The following GGT7 variants were observed in gnomAD, a reference collection of about 807,000 sequenced individuals.
GGT7 encodes the protein glutathione hydrolase 7.
Under a neutral mutation model 69.2 loss-of-function variants are expected in GGT7, and 30 were observed. The ratio of observed to expected loss-of-function variants is 0.43; its 90% CI spans 0.32 to 0.59. The LOEUF (loss-of-function observed/expected upper bound fraction) is 0.59, where lower values mean the gene tolerates loss of function less well. Ranked by LOEUF, GGT7 falls within the 20% of genes least tolerant of loss-of-function variation. The probability of loss-of-function intolerance (pLI) is 0.05; values close to 1 mark genes in which losing one functional copy is unlikely to be tolerated. For synonymous variants in GGT7, 388 were observed against 391.8 expected, an observed-to-expected ratio of 0.99 and a Z score of 0.12; for missense variants, 733 against 901.1, an observed-to-expected ratio of 0.81 and a Z score of 2.39.
At chr20:34,870,609 C>A (rs1388805551) in intron 1 of GGT7, among the ~76,000 whole-genome samples, 2 of 151,388 alleles carry the variant, frequency 1.3e-5, no homozygotes, top group African/African-American at 4.9e-5. Flanking sequence ...GGGTTACAGA[C>A]ACCTGCCACC....
chr20:34,861,523 C>T lies in GGT7; in HGVS notation c.597G>A (p.Glu199=), dbSNP rs200318179. Residue 199 remains glutamate, a synonymous_variant, in exon 4 of 15, where the codon GAG becomes GAA. Transcript: ENST00000336431. The stretch of plus-strand genomic sequence containing the variant: ...ACTCCCGGAAATCAATTAGGTGGCT[C>T]TCATTTCGTCGGATGTCATGTACCA... ...VMLVHDIRRN[E]SHLIDFRESA... 5.2e-6 allele frequency: 8 copies of T among 1,532,978 alleles called. No individual in the cohort carries two copies. In the South Asian group the frequency reaches 7.3e-5, roughly 14 times the overall value. The allele number at this position is 1,532,978 out of a possible 1,614,324, so 95.0% of individuals were successfully genotyped here.
At chr20:34,862,548 T>A (rs1297122874) in intron 3 of GGT7, among the ~76,000 whole-genome samples, 1 of 150,900 alleles carries the variant, frequency 6.6e-6, no homozygotes, top group East Asian at 1.9e-4. Flanking sequence ...CACCTGTGCA[T>A]CTTAATTTAT....
chr20:34,866,398 A>C (rs1239699674), intron 1 of GGT7, among the ~76,000 whole-genome samples: 2 of 152,180 alleles, frequency 1.3e-5, no homozygotes, highest in African/African-American at 4.8e-5. Flanking sequence ...GTATGATTGC[A>C]ATATGAATAG....
intron 7 of GGT7, among the ~76,000 whole-genome samples, chr20:34,857,611 ATTGATTTTT>A (rs2079515503): frequency 7.3e-6 from 1 of 137,622 alleles, no homozygotes; most frequent in Admixed American, 7.5e-5. Context: ...AGAATTACAC[ATTGATTTTT>A]TTTTTTTTTT....
At position 34,846,498 on chromosome 20, in the gene GGT7, G is replaced by C. The variant is rs143727424; in HGVS notation, c.1826-1007C>G. ...TTCTATTTTTTTTTTTTGTAGAGGT[G>C]GGGGTTTATCCATGTTGGTCAGGCT... is the stretch of plus-strand genomic sequence containing the variant. On this transcript the variant is annotated intron_variant, in intron 14 of 14. Transcript: ENST00000336431. 9.0e-3 allele frequency among the ~76,000 whole-genome samples: 1,354 copies of C among 151,230 alleles called. 27 individuals carry two copies. Among genetic ancestry groups the C allele is most frequent in the African/African-American group, 0.031 (1,284 of 41,170 alleles).
chr20:34,860,400 C>G (rs1327753574), intron 4 of GGT7, 79 bp from the exon 5 acceptor site: 2 of 1,100,152 alleles, frequency 1.8e-6, no homozygotes, highest in Non-Finnish European at 2.8e-6. Context: ...CCGCAGAGCC[C>G]CAAGCCAGGG....
At chr20:34,862,058 G>A (rs2079605718) in intron 3 of GGT7, among the ~76,000 whole-genome samples, 1 of 152,182 alleles carries the variant, frequency 6.6e-6, no homozygotes, top group South Asian at 2.1e-4. Context: ...TTCCTTTTCT[G>A]TAGCTTATTT....
chr20:34,867,956 G>A (rs1442830261), intron 1 of GGT7, among the ~76,000 whole-genome samples: 1 of 152,150 alleles, frequency 6.6e-6, no homozygotes, highest in Admixed American at 6.5e-5. Context: ...CTCCGCCTTT[G>A]GGTTCAAGCA....
intron 14 of GGT7, 95 bp downstream of exon 14, chr20:34,849,866 C>G: frequency 1.5e-6 from 1 of 658,444 alleles, no homozygotes; most frequent in Non-Finnish European, 2.6e-6. Context: ...ACTTCACTGG[C>G]AGTTGGTGCT....
chr20:34,850,184 G>A (rs533526227), intron 13 of GGT7, 124 bp from the exon 14 acceptor site: 4 of 790,032 alleles, frequency 5.1e-6, no homozygotes, highest in Non-Finnish European at 9.2e-6. Flanking sequence ...TGTCATCTGA[G>A]CCTCCTAACA....
At chr20:34,856,775 G>A (rs1458450466) in intron 8 of GGT7, 31 bp downstream of exon 8, 1 of 1,327,544 alleles carries the variant, frequency 7.5e-7, no homozygotes, top group Non-Finnish European at 1.1e-6. Context: ...TTCTCCTGAG[G>A]GGGGACCCTG....
chr20:34,850,995 G>A (rs2079380408), intron 13 of GGT7: 3 of 673,080 alleles, frequency 4.5e-6, no homozygotes, highest in Admixed American at 4.4e-5. Context: ...TCAATCTACT[G>A]ACCCTGCCAT....
rs1378153755 is a variant in GGT7 at position 34,863,394 on chromosome 20, C to G, written c.324G>C (p.Thr108=). The G allele has an allele frequency of 6.2e-7, 1 of 1,614,052 alleles. No homozygotes were observed. The highest frequency in any genetic ancestry group is 1.7e-5 in the Admixed American group (1 of 60,034). The change falls in exon 2 of 15, where the codon ACG becomes ACC. Residue 108 remains threonine (T), a synonymous_variant. Transcript: ENST00000336431. The surrounding 1 kb of genome is among the most constrained non-coding windows in gnomAD (Gnocchi z 4.4). ...AECSCRQDGL[T]VIVTACLTFA... is the part of the protein sequence containing the mutation. Reference sequence around the variant, plus strand: ...AGGTGAGACAGGCCGTGACGATGACCGTGAGCCCATCCTGGCGGCAGGAGC... The same window carrying G: ...AGGTGAGACAGGCCGTGACGATGACGGTGAGCCCATCCTGGCGGCAGGAGC...
At position 34,847,656 on chromosome 20, in the gene GGT7, C is replaced by G. The variant is rs551370246; in HGVS notation, c.1826-2165G>C. On this transcript the variant is annotated intron_variant, in intron 14 of 14. Coordinates refer to ENST00000336431, the MANE Select transcript of GGT7 (RefSeq NM_178026.3). The stretch of plus-strand genomic sequence containing the variant: ...TTTAATGGAGAAAGCAGTCTCAGAG[C>G]CTTCCATGGGCAACAATATTTAACT... 6.6e-5 allele frequency among the ~76,000 whole-genome samples: 10 copies of G among 152,298 alleles called. No individual in the cohort carries two copies. In the South Asian group the frequency reaches 2.1e-3, roughly 32 times the overall value.
intron 1 of GGT7, among the ~76,000 whole-genome samples, chr20:34,864,725 GAA>G (rs368541649): frequency 1.7e-5 from 2 of 119,198 alleles, no homozygotes; most frequent in African/African-American, 3.1e-5. Flanking sequence ...TGTCTCAAAA[GAA>G]AAAAAAAAAA....
Position 34,862,874 on chromosome 20 carries a change from G to A in GGT7, c.497C>T (p.Ala166Val). 1 of 1,614,146 alleles carries A rather than the reference G, an allele frequency of 6.2e-7. No individual in the cohort carries two copies. Among genetic ancestry groups the A allele is most frequent in the Non-Finnish European group, 8.5e-7 (1 of 1,180,016 alleles). Residue 166 changes from alanine (A) to valine (V), a missense_variant, in exon 3 of 15, where the codon GCA (alanine) becomes GTA (valine). Physicochemically the swap from Ala to Val is moderately conservative, Grantham distance 64. Coordinates refer to ENST00000336431, the MANE Select transcript of GGT7 (RefSeq NM_178026.3). ...VLSKQGSSVD[A>V]AVAAALCLGI... ...CAAACACAAGGCTGCTGCCACCGCT[G>A]CGTCCACAGAAGATCCCTGTTTACT...
In GGT7 at chr20:34,845,476, TC is replaced by T; in HGVS notation, c.1840del (p.Glu614LysfsTer16). On this transcript the variant is annotated frameshift_variant, in exon 15 of 15. Transcript: ENST00000336431. LOFTEE classifies it high-confidence loss of function. ...CCTGGCTTCCAGGAACTCAATCTCT[TC>T]CTCTGTGAACTCACCTGAAAACCAT... ...LLQVDSEFTE[E>X]EIEFLEARGH... is the part of the protein sequence containing the mutation. 1 of 1,613,892 alleles carries T rather than the reference TC, an allele frequency of 6.2e-7. No individual in the cohort carries two copies. Among genetic ancestry groups the T allele is most frequent in the Non-Finnish European group, 8.5e-7 (1 of 1,179,900 alleles).
At chr20:34,852,013 C>A in intron 12 of GGT7, 142 bp downstream of exon 12, 1 of 669,386 alleles carries the variant, frequency 1.5e-6, no homozygotes, top group Non-Finnish European at 2.7e-6. Context: ...CTTAGCAGGG[C>A]TAGGGATGAG....
At chr20:34,853,838 T>C (rs540250666) in intron 10 of GGT7, among the ~76,000 whole-genome samples, 9 of 152,200 alleles carry the variant, frequency 5.9e-5, no homozygotes, top group Non-Finnish European at 1.0e-4. Context: ...AAGCTGGAAT[T>C]TGAATGAAGG....
Sources: gnomAD v4.1 joint callset for allele counts (sites outside exome capture counted in the v4.1 genomes callset) on GRCh38, gnomAD v4.1.1 for gene constraint, Gnocchi (gnomAD v3.1) non-coding constraint, MANE v1.5 for transcripts, NCBI Gene and HGNC (gene_info 2026-07-23, HGNC 2026-07-21) for gene names.